The following FAM90A20 variants were observed in gnomAD, a reference collection of about 807,000 sequenced individuals.
FAM90A20 encodes the protein protein FAM90A20.
At chr8:7,295,778 G>C in the FAM90A20 span, 4 of 1,273,222 alleles carry the variant, frequency 3.1e-6, no homozygotes, top group Non-Finnish European at 4.4e-6. Context: ...TGGGGTTGAA[G>C]CCAACCCGGG....
the FAM90A20 span, chr8:7,295,959 G>T: frequency 7.6e-6 from 4 of 529,522 alleles, no homozygotes; most frequent in South Asian, 2.0e-5. Flanking sequence ...GAAATAGGCC[G>T]GAGCTCCGTG....
At chr8:7,297,828 A>T in the FAM90A20 span, 8 of 1,060,668 alleles carry the variant, frequency 7.5e-6, no homozygotes, top group Middle Eastern at 2.9e-4. Flanking sequence ...CGGAGACTGG[A>T]AAACGGACGC....
the FAM90A20 span, chr8:7,297,953 C>G: frequency 2.9e-6 from 2 of 680,954 alleles, no homozygotes; most frequent in South Asian, 1.5e-5. Flanking sequence ...TGTTCGTGTC[C>G]CACCGAGCGT....
chr8:7,297,828 A>C, the FAM90A20 span: 2 of 1,060,668 alleles, frequency 1.9e-6, 1 homozygote, highest in African/African-American at 5.0e-5. Flanking sequence ...CGGAGACTGG[A>C]AAACGGACGC....
the FAM90A20 span, chr8:7,297,310 G>T: frequency 5.9e-6 from 8 of 1,358,100 alleles, 2 homozygotes; most frequent in African/African-American, 1.3e-4. Flanking sequence ...TCGTGGTGGA[G>T]CCGACACACA....
the FAM90A20 span, among the ~76,000 whole-genome samples, chr8:7,296,768 C>T: frequency 4.4e-5 from 6 of 135,986 alleles, 1 homozygote; most frequent in South Asian, 2.2e-4. Flanking sequence ...GCCATTAGTC[C>T]GTTCCACTTC....
the FAM90A20 span, chr8:7,297,290 G>C: frequency 5.5e-5 from 74 of 1,352,380 alleles, 8 homozygotes; most frequent in Middle Eastern, 4.9e-4. Context: ...CCAGGTCCAC[G>C]AGACTCTCCT....
the FAM90A20 span, chr8:7,297,367 A>T: frequency 4.7e-6 from 7 of 1,477,258 alleles, no homozygotes; most frequent in South Asian, 3.4e-5. Context: ...CTGCCTCCAA[A>T]ACCCACGGCC....
chr8:7,295,754 A>C, the FAM90A20 span: 6 of 1,253,858 alleles, frequency 4.8e-6, no homozygotes, highest in South Asian at 7.2e-5. Flanking sequence ...GGAAAACCTG[A>C]AACCATGGAA....
chr8:7,297,275 A>T, the FAM90A20 span: 1 of 1,383,122 alleles, frequency 7.2e-7, no homozygotes, highest in Non-Finnish European at 1.0e-6. Context: ...GCCTGCAGTC[A>T]GGCACCAGGT....
the FAM90A20 span, among the ~76,000 whole-genome samples, chr8:7,296,892 C>A: frequency 7.3e-6 from 1 of 137,094 alleles, no homozygotes; most frequent in East Asian, 2.0e-4. Context: ...GTTCATGTGT[C>A]TTTTCCTGAT....
chr8:7,296,259 G>C, the FAM90A20 span: 2 of 699,298 alleles, frequency 2.9e-6, no homozygotes, highest in South Asian at 2.9e-5. Flanking sequence ...AAAACCAGGG[G>C]GCACGGCCTG....
chr8:7,296,307 G>A, the FAM90A20 span: 2 of 739,370 alleles, frequency 2.7e-6, no homozygotes, highest in Non-Finnish European at 4.9e-6. Context: ...ACCCGCAGAG[G>A]AAGGCTCTCC....
chr8:7,297,256 C>T, the FAM90A20 span: 98 of 1,440,380 alleles, frequency 6.8e-5, 4 homozygotes, highest in Non-Finnish European at 9.2e-5. Context: ...CTGCCGCCGA[C>T]ATCCCTCGGC....
At chr8:7,297,227 A>C in the FAM90A20 span, 3 of 1,515,856 alleles carry the variant, frequency 2.0e-6, 1 homozygote, top group Non-Finnish European at 2.7e-6. Flanking sequence ...TCTTGGACCA[A>C]AGGAAAGACA....
At chr8:7,295,614 T>G in the FAM90A20 span, 2 of 652,568 alleles carry the variant, frequency 3.1e-6, no homozygotes, top group Non-Finnish European at 5.4e-6. Context: ...CTGACATCAC[T>G]TCCTTTCCAC....
the FAM90A20 span, chr8:7,297,244 G>T: frequency 1.6e-4 from 235 of 1,481,342 alleles, 65 homozygotes; most frequent in African/African-American, 4.5e-3. Flanking sequence ...GACAGACAGG[G>T]GCTGCCGCCG....
chr8:7,296,932 T>C, the FAM90A20 span: 3 of 794,014 alleles, frequency 3.8e-6, no homozygotes, highest in Non-Finnish European at 5.9e-6. Context: ...CTGTCCCTAC[T>C]TCCAAGGACC....
chr8:7,296,718 C>T, the FAM90A20 span, among the ~76,000 whole-genome samples: 3 of 135,848 alleles, frequency 2.2e-5, 1 homozygote, highest in Non-Finnish European at 4.5e-5. Flanking sequence ...TCATAGAAGA[C>T]GTCCCGAGTA....
Sources: gnomAD v4.1 joint callset for allele counts (sites outside exome capture counted in the v4.1 genomes callset) on GRCh38, gnomAD v4.1.1 for gene constraint, MANE v1.5 for transcripts, NCBI Gene and HGNC (gene_info 2026-07-23, HGNC 2026-07-21) for gene names.